The following MTF1 variants were observed in gnomAD, a reference collection of about 807,000 sequenced individuals.
MTF1 encodes the protein metal regulatory transcription factor 1.
In MTF1, 22 loss-of-function variants were observed where a neutral mutation model predicts 70.4. The ratio of observed to expected loss-of-function variants is 0.31; its 90% CI spans 0.22 to 0.45. The LOEUF (loss-of-function observed/expected upper bound fraction) is 0.45, where lower values mean the gene tolerates loss of function less well. Among genes scored for constraint, MTF1 ranks in the 20% least tolerant of loss-of-function variants. The pLI, the probability that MTF1 is intolerant of heterozygous loss-of-function variation, is 1.00. For synonymous variants in MTF1, 333 were observed against 352.8 expected (o/e 0.94, Z 0.63); for missense variants, 649 against 922.0 (o/e 0.70, Z 3.83).
intron 2 of MTF1, among the ~76,000 whole-genome samples, chr1:37,845,148 A>C (rs1343456839): frequency 1.3e-5 from 2 of 152,214 alleles, no homozygotes; most frequent in Non-Finnish European, 2.9e-5. Context: ...CGCTTGATTT[A>C]TATTTTTTGA....
At chr1:37,818,336 T>C (rs191431147) in intron 9 of MTF1, among the ~76,000 whole-genome samples, 1 of 151,904 alleles carries the variant, frequency 6.6e-6, no homozygotes, top group African/African-American at 2.4e-5. Context: ...GTCCCAGCTA[T>C]TTGGAAGACT....
At chr1:37,853,775 A>C (rs190233980) in intron 2 of MTF1, among the ~76,000 whole-genome samples, 23 of 152,352 alleles carry the variant, frequency 1.5e-4, no homozygotes, top group African/African-American at 4.3e-4. Context: ...CTGTGCTCAC[A>C]GTGCAATATT....
rs762082494 is a variant in MTF1, at chr1:37,857,676, C to T, written c.-18G>A. 1 of 1,608,128 alleles carries T rather than the reference C, an allele frequency of 6.2e-7. No individual in the cohort carries two copies. The highest frequency in any genetic ancestry group is 1.7e-5 in the Admixed American group (1 of 59,604). ...TCCCCCATGGTTCAGTTGTGCTCAG[C>T]CCAGTTGTGAGAAATGAAAACGTAA... On this transcript the variant is annotated 5_prime_UTR_variant, in exon 2 of 11. Coordinates refer to ENST00000373036, the MANE Select transcript of MTF1 (RefSeq NM_005955.3).
chr1:37,832,458 A>G (rs1641101411), intron 6 of MTF1, 136 bp from the exon 7 acceptor site: 1 of 612,058 alleles, frequency 1.6e-6, no homozygotes, highest in East Asian at 2.8e-5. Flanking sequence ...GTATAAGCCA[A>G]CCAAAGCAAG....
At position 37,840,206 on chromosome 1, in the gene MTF1, G is replaced by C; in HGVS notation, c.409-48C>G. On this transcript the variant is annotated intron_variant, in intron 2 of 10. Transcript: ENST00000373036. The surrounding 1 kb of genome is among the most constrained non-coding windows in gnomAD (Gnocchi z 4.5). ...TCAACAGGACAAAAATGCTGCCCAG[G>C]GCTTAACTCCCCCACCCAGAGCTCA... 1.3e-6 allele frequency: 2 copies of C among 1,552,258 alleles called. No individual in the cohort carries two copies. The highest frequency in any genetic ancestry group is 1.8e-6 in the Non-Finnish European group (2 of 1,125,948).
chr1:37,838,503 C>T, intron 4 of MTF1, 122 bp downstream of exon 4: 1 of 774,682 alleles, frequency 1.3e-6, no homozygotes, highest in Non-Finnish European at 2.0e-6. Context: ...CTGGGGTGAG[C>T]TAACACTGCT....
At chr1:37,824,067 A>C (rs2148403636) in intron 7 of MTF1, among the ~76,000 whole-genome samples, 1 of 151,910 alleles carries the variant, frequency 6.6e-6, no homozygotes, top group South Asian at 2.1e-4. Context: ...CTGGTCTTGA[A>C]CTCCTGGGCT....
chr1:37,836,943 G>A (rs1051707530), intron 4 of MTF1, among the ~76,000 whole-genome samples: 2 of 135,760 alleles, frequency 1.5e-5, no homozygotes, highest in South Asian at 2.5e-4. Context: ...ACGGGAAGGG[G>A]GGCGGCGGGG....
At chr1:37,824,129 G>A (rs1640964600) in intron 7 of MTF1, among the ~76,000 whole-genome samples, 2 of 152,250 alleles carry the variant, frequency 1.3e-5, no homozygotes, top group African/African-American at 2.4e-5. Context: ...TTACAGGCAT[G>A]AGCCACCATG....
intron 6 of MTF1, among the ~76,000 whole-genome samples, chr1:37,833,210 G>A (rs897134407): frequency 6.6e-6 from 1 of 151,666 alleles, no homozygotes; most frequent in African/African-American, 2.4e-5. Flanking sequence ...TATTCTTTTT[G>A]TAACAAATTG....
chr1:37,820,075 C>A (rs1387093998), intron 9 of MTF1, among the ~76,000 whole-genome samples: 1 of 149,756 alleles, frequency 6.7e-6, no homozygotes, highest in African/African-American at 2.5e-5. Context: ...ACAATAAAAA[C>A]CACATGGAGG....
chr1:37,841,189 G>C (rs750178294), intron 2 of MTF1: 3 of 156,410 alleles, frequency 1.9e-5, no homozygotes, highest in Non-Finnish European at 2.8e-5. Flanking sequence ...AGGCCATCGG[G>C]GACTACGGTG....
At chr1:37,838,500 G>T in intron 4 of MTF1, 125 bp downstream of exon 4, 1 of 730,948 alleles carries the variant, frequency 1.4e-6, no homozygotes, top group Non-Finnish European at 2.2e-6. Context: ...GTCCTGGGGT[G>T]AGCTAACACT....
intron 7 of MTF1, among the ~76,000 whole-genome samples, chr1:37,830,774 A>G (rs1332181882): frequency 6.6e-6 from 1 of 152,216 alleles, no homozygotes; most frequent in Non-Finnish European, 1.5e-5. Flanking sequence ...GGATGCAGCT[A>G]TGATCTTTGT....
rs554339624 is a variant in MTF1, at chr1:37,832,183, C to T, written c.1068+62G>A. 4 of 1,109,176 alleles carry T rather than the reference C, an allele frequency of 3.6e-6. No homozygotes were observed. The South Asian group carries it at 3.9e-5, about 11-fold the overall frequency. The allele number at this position is 1,109,176 out of a possible 1,614,324, so 68.7% of individuals were successfully genotyped here. ...AGACTGGCCTGCCTCAATTTTCCCACCAAAGGGAGTGCTTAATTCTTGCCC... is the reference window on the plus strand; with the variant it reads ...AGACTGGCCTGCCTCAATTTTCCCATCAAAGGGAGTGCTTAATTCTTGCCC... On this transcript the variant is annotated intron_variant, in intron 7 of 10. Transcript: ENST00000373036.
chr1:37,819,951 C>CAAAAAAAAAAAAAAAAAA (rs766621404), intron 9 of MTF1, among the ~76,000 whole-genome samples: 1 of 82,682 alleles, frequency 1.2e-5, no homozygotes, highest in Admixed American at 1.5e-4. Flanking sequence ...GACTCTGACT[C>CAAAAAAAAAAAAAAAAAA]AAAAAAAAAA....
chr1:37,817,441 T>G lies in MTF1; in HGVS notation c.1809A>C (p.Ala603=). The G allele has an allele frequency of 6.2e-7, 1 of 1,612,592 alleles. No individual in the cohort carries two copies. Among genetic ancestry groups the G allele is most frequent in the East Asian group, 2.2e-5 (1 of 44,876 alleles). The change falls in exon 10 of 11, where the codon GCA becomes GCC. Residue 603 remains alanine, a synonymous_variant. Transcript: ENST00000373036. ...SKVEKVFFTT[A]VPVASSPGSS... is the part of the protein sequence containing the mutation. ...TACCTGGGCTACTGGCTACTGGTAC[T>G]GCAGTGGTAAAAAACACCTTCTCAA...
chr1:37,836,946 C>T (rs12736507), intron 4 of MTF1, among the ~76,000 whole-genome samples: 5 of 126,386 alleles, frequency 4.0e-5, no homozygotes, highest in Admixed American at 1.6e-4. Context: ...GGAAGGGGGG[C>T]GGCGGGGAAT....
At position 37,815,760 on chromosome 1, in the gene MTF1, C is replaced by T. The variant is rs1459988129; in HGVS notation, c.1832-194G>A. Among the ~76,000 whole-genome samples, 1 of 152,130 alleles carries T rather than the reference C, an allele frequency of 6.6e-6. No individual in the cohort carries two copies. Among genetic ancestry groups the T allele is most frequent in the Non-Finnish European group, 1.5e-5 (1 of 68,008 alleles). On this transcript the variant is annotated intron_variant, in intron 10 of 10. Coordinates refer to ENST00000373036, the MANE Select transcript of MTF1 (RefSeq NM_005955.3). This position sits in a 1 kb window ranked among gnomAD's most constrained non-coding sequence, Gnocchi z 4.5. ...GGTAAAAGAGGGACACTCCCCAGCC[C>T]GAGACAAAGTCCCGTTTCCTTAGAA...
Sources: allele counts gnomAD v4.1 joint callset (sites outside exome capture counted in the v4.1 genomes callset), GRCh38; gene constraint gnomAD v4.1.1; non-coding constraint Gnocchi (gnomAD v3.1); transcripts MANE v1.5; gene names NCBI Gene and HGNC (gene_info 2026-07-23, HGNC 2026-07-21).